AVEN: variants seen among roughly 807,000 people sequenced by gnomAD.
The protein encoded by AVEN is cell death regulator Aven.
Under a neutral mutation model 38.1 loss-of-function variants are expected in AVEN, and 41 were observed. The ratio of observed to expected loss-of-function variants is 1.08; its 90% CI spans 0.84 to 1.40. The LOEUF (loss-of-function observed/expected upper bound fraction) is 1.40, where lower values mean the gene tolerates loss of function less well. Among genes scored for constraint, AVEN ranks in the 40% most tolerant of loss-of-function variants. AVEN has a pLI of 0.00. For synonymous variants in AVEN, 206 were observed against 171.8 expected (o/e 1.20, Z -1.56); for missense variants, 605 against 438.8 (o/e 1.38, Z -3.38).
At chr15:33,869,656 G>A (rs1018270210) in intron 4 of AVEN, among the ~76,000 whole-genome samples, 1 of 152,040 alleles carries the variant, frequency 6.6e-6, no homozygotes, top group Non-Finnish European at 1.5e-5. Context: ...CTCCATCCCT[G>A]AACTCTGCCT....
At chr15:33,949,545 T>A (rs1481512786) in intron 2 of AVEN, among the ~76,000 whole-genome samples, 2 of 152,170 alleles carry the variant, frequency 1.3e-5, no homozygotes, top group Non-Finnish European at 2.9e-5. Flanking sequence ...ATAAATTTTT[T>A]AAGTGGATTA....
intron 2 of AVEN, among the ~76,000 whole-genome samples, chr15:33,898,500 G>A (rs1421176226): frequency 3.3e-5 from 5 of 152,164 alleles, no homozygotes; most frequent in Non-Finnish European, 7.4e-5. Context: ...AGCCTTGCTA[G>A]CAACCCCTGA....
chr15:33,867,386 G>A (rs1890646885), intron 5 of AVEN, 109 bp downstream of exon 5: 1 of 1,420,638 alleles, frequency 7.0e-7, no homozygotes, highest in South Asian at 1.4e-5. Flanking sequence ...GGACAACACT[G>A]GATCAATGTC....
chr15:33,936,108 G>A lies in AVEN; in HGVS notation c.446-60113C>T, dbSNP rs903072324. 2.6e-5 allele frequency among the ~76,000 whole-genome samples: 4 copies of A among 151,996 alleles called. No homozygotes were observed. The East Asian group carries it at 7.7e-4, about 29-fold the overall frequency. ...ACCAACAGCAAACATTACATATCAT[G>A]GTGAGATTTTAAAGGCATTCCCACT... On this transcript the variant is annotated intron_variant, in intron 2 of 5. Transcript: ENST00000306730.
intron 1 of AVEN, among the ~76,000 whole-genome samples, chr15:34,073,433 T>C (rs898892437): frequency 4.1e-5 from 4 of 96,710 alleles, no homozygotes; most frequent in African/African-American, 1.2e-4. Context: ...GCAGAAAATA[T>C]CTGGTCATTC....
intron 2 of AVEN, among the ~76,000 whole-genome samples, chr15:33,900,912 G>T (rs1892470355): frequency 6.6e-6 from 1 of 152,134 alleles, no homozygotes; most frequent in Non-Finnish European, 1.5e-5. Context: ...GCTGGGGCTA[G>T]AAAGAAGGAA....
Position 34,062,566 on chromosome 15 carries a change from A to C in AVEN, n.1637+356T>G, listed in dbSNP as rs540561757. 6 of 681,092 alleles carry C rather than the reference A, an allele frequency of 8.8e-6. No homozygotes were observed. In the African/African-American group the frequency reaches 1.1e-4, roughly 12 times the overall value. 42.2% of individuals were successfully genotyped at this position (681,092 alleles called of 1,614,324 possible). A position where few individuals can be genotyped will look rare whatever the true frequency, so the allele number is the denominator to read the frequency against. ...CGAGATTCTGTCTCAAAAAAAAAAAAAAAAAAAACTATAAACAATGGATGG... is the reference window on the plus strand; with the variant it reads ...CGAGATTCTGTCTCAAAAAAAAAAACAAAAAAAACTATAAACAATGGATGG... On this transcript the variant is annotated intron_variant and non_coding_transcript_variant, in intron 5 of 11. Transcript: ENST00000675287.
chr15:33,872,384 T>A (rs911892719), intron 3 of AVEN, among the ~76,000 whole-genome samples: 1 of 152,192 alleles, frequency 6.6e-6, no homozygotes, highest in Non-Finnish European at 1.5e-5. Context: ...AAACATACCC[T>A]TCAATCAGAC....
chr15:34,073,521 T>TTTTTC (rs1900672903), intron 1 of AVEN, among the ~76,000 whole-genome samples: 1 of 126 alleles, frequency 7.9e-3, no homozygotes, highest in African/African-American at 0.01. Flanking sequence ...TCTTTTTTCT[T>TTTTTC]TTTTTTTTTT....
intron 2 of AVEN, among the ~76,000 whole-genome samples, chr15:33,966,591 T>C (rs1424924688): frequency 6.6e-6 from 1 of 152,136 alleles, no homozygotes; most frequent in African/African-American, 2.4e-5. Flanking sequence ...ATAATTTCCA[T>C]CTACACCCCT....
chr15:33,904,708 T>TACACACAC (rs568492308), intron 2 of AVEN, among the ~76,000 whole-genome samples: 17 of 115,062 alleles, frequency 1.5e-4, no homozygotes, highest in Non-Finnish European at 2.2e-4. Flanking sequence ...TATATATATA[T>TACACACAC]ATATATATAC....
chr15:34,071,916 G>C (rs1900634010), intron 1 of AVEN, among the ~76,000 whole-genome samples: 1 of 152,036 alleles, frequency 6.6e-6, no homozygotes, highest in Non-Finnish European at 1.5e-5. Context: ...CAGAAAACTA[G>C]ACTAGGTTAT....
chr15:34,062,689 A>G (rs1900382962), intron 5 of AVEN: 1 of 1,581,092 alleles, frequency 6.3e-7, no homozygotes, highest in African/African-American at 1.3e-5. Flanking sequence ...AGAACCTAAC[A>G]CTATTTACTG....
chr15:33,995,183 GA>G (rs1896883211), intron 2 of AVEN, among the ~76,000 whole-genome samples: 2 of 152,216 alleles, frequency 1.3e-5, no homozygotes, highest in South Asian at 4.2e-4. Context: ...AGGATTGCTT[GA>G]GCCCAGGAGG....
intron 2 of AVEN, among the ~76,000 whole-genome samples, chr15:33,973,045 T>C (rs1427697275): frequency 6.6e-6 from 1 of 152,232 alleles, no homozygotes; most frequent in Non-Finnish European, 1.5e-5. Flanking sequence ...TATTCAGCAG[T>C]TGTTTAAAGA....
At chr15:33,916,952 G>C (rs112581915) in intron 2 of AVEN, among the ~76,000 whole-genome samples, 9 of 152,170 alleles carry the variant, frequency 5.9e-5, no homozygotes, top group African/African-American at 2.2e-4. Context: ...CAACACAAAG[G>C]GGAAAAGCCC....
chr15:33,881,331 C>T (rs754179905), intron 2 of AVEN, among the ~76,000 whole-genome samples: 6 of 152,148 alleles, frequency 3.9e-5, no homozygotes, highest in African/African-American at 1.2e-4. Context: ...AACAATCCAC[C>T]ACCTCAACCT....
chr15:33,911,682 C>G (rs1215419861), intron 2 of AVEN, among the ~76,000 whole-genome samples: 1 of 152,000 alleles, frequency 6.6e-6, no homozygotes, highest in African/African-American at 2.4e-5. Context: ...ATACAGAGCT[C>G]TAAACATAAA....
chr15:33,860,857 A>ATAGGAGGGAGCAGTATCCTCAGCT (rs1197948703), intron 11 of AVEN, among the ~76,000 whole-genome samples: 7 of 151,560 alleles, frequency 4.6e-5, no homozygotes, highest in Non-Finnish European at 1.0e-4. Flanking sequence ...CTGTCCCACA[A>ATAGGAGGGAGCAGTATCCTCAGCT]TAGGAGGGAG....
Sources: gnomAD v4.1 joint callset for allele counts (sites outside exome capture counted in the v4.1 genomes callset) on GRCh38, gnomAD v4.1.1 for gene constraint, MANE v1.5 for transcripts, NCBI Gene and HGNC (gene_info 2026-07-23, HGNC 2026-07-21) for gene names.